The following ADGRG2 variants were observed in gnomAD, a reference collection of about 807,000 sequenced individuals.
ADGRG2 encodes G protein-coupled receptor 64.
A neutral mutation model predicts 74.1 loss-of-function variants in ADGRG2; 26 were observed. That is an observed-to-expected ratio of 0.35 (90% CI 0.26 to 0.49). The LOEUF is 0.49. Ranked by LOEUF, ADGRG2 falls within the 20% of genes least tolerant of loss-of-function variation. ADGRG2 has a pLI of 0.99. For missense variants in ADGRG2, 619 were observed against 763.1 expected (o/e 0.81, Z 2.22); for synonymous variants, 296 against 295.2 (o/e 1.00, Z -0.03).
chrX:19,085,390 T>C (rs1185217320), intron 1 of ADGRG2, among the ~76,000 whole-genome samples: 1 of 111,441 alleles, frequency 9.0e-6, no homozygotes, highest in Non-Finnish European at 1.9e-5. Flanking sequence ...GTGCAGTGGC[T>C]CGATCACAGC....
chrX:18,995,774 A>G (rs1314135464), intron 27 of ADGRG2, among the ~76,000 whole-genome samples: 1 of 112,556 alleles, frequency 8.9e-6, no homozygotes, highest in Non-Finnish European at 1.9e-5. Context: ...CATAATCTCA[A>G]TAGAAAATCA....
At chrX:19,049,796 C>T (rs2061281970) in intron 3 of ADGRG2, among the ~76,000 whole-genome samples, 1 of 111,162 alleles carries the variant, frequency 9.0e-6, no homozygotes, top group Non-Finnish European at 1.9e-5. Context: ...AAAGAACCCT[C>T]TCCTCCCCAA....
intron 24 of ADGRG2, among the ~76,000 whole-genome samples, chrX:19,001,183 G>A: frequency 9.0e-6 from 1 of 111,565 alleles, no homozygotes; most frequent in East Asian, 2.8e-4. Flanking sequence ...GATCCAGGGG[G>A]TGGTGACTGC....
At chrX:19,009,435 C>A (rs1419228489) in intron 18 of ADGRG2, among the ~76,000 whole-genome samples, 191 bp downstream of exon 18, 1 of 111,461 alleles carries the variant, frequency 9.0e-6, no homozygotes, top group Non-Finnish European at 1.9e-5. Context: ...GCCTTGGCCT[C>A]CCAAAGTGCT....
chrX:19,091,964 G>A (rs1419413102), intron 1 of ADGRG2, among the ~76,000 whole-genome samples: 1 of 112,505 alleles, frequency 8.9e-6, no homozygotes, highest in East Asian at 2.8e-4. Flanking sequence ...ACGCGACTTG[G>A]GTCTGGGTTG....
At chrX:19,084,668 C>T (rs1380874964) in intron 1 of ADGRG2, among the ~76,000 whole-genome samples, 3 of 111,972 alleles carry the variant, frequency 2.7e-5, no homozygotes, top group Non-Finnish European at 5.6e-5. Flanking sequence ...TGAGAATTTT[C>T]CACATAGGGA....
rs528454817 is a variant in ADGRG2 at position 19,021,318 on chromosome X, T to C, written c.549-120A>G. On this transcript the variant is annotated intron_variant, in intron 13 of 28. Transcript: ENST00000379869. ...GGACACTGATACTGTTAACTTGTGA[T>C]GTCACCCCAATAAGCTTGTAAATAC... is the stretch of plus-strand genomic sequence containing the variant. 86 of 517,646 alleles carry C rather than the reference T, an allele frequency of 1.7e-4. No individual in the cohort carries two copies. The South Asian group carries it at 2.0e-3, about 12-fold the overall frequency. The allele number at this position is 517,646 out of a possible 1,213,427, so 42.7% of individuals were successfully genotyped here. A position where few individuals can be genotyped will look rare whatever the true frequency, so the allele number is the denominator to read the frequency against.
intron 1 of ADGRG2, among the ~76,000 whole-genome samples, chrX:19,114,169 T>C (rs747141913): frequency 9.2e-6 from 1 of 108,301 alleles, no homozygotes; most frequent in South Asian, 4.1e-4. Context: ...TTTTGATCCA[T>C]TAGGGGCATT....
At chrX:19,106,036 T>C (rs999590691) in intron 1 of ADGRG2, among the ~76,000 whole-genome samples, 1 of 108,367 alleles carries the variant, frequency 9.2e-6, no homozygotes, top group Admixed American at 9.9e-5. Flanking sequence ...ACAGATAGAA[T>C]GGACACGTGA....
intron 1 of ADGRG2, among the ~76,000 whole-genome samples, chrX:19,083,204 G>A (rs1311597873): frequency 1.1e-5 from 1 of 93,287 alleles, no homozygotes; most frequent in African/African-American, 4.1e-5. Flanking sequence ...ATTTTCAGTA[G>A]AGACAGGGTT....
intron 9 of ADGRG2, among the ~76,000 whole-genome samples, chrX:19,029,113 T>C (rs2060770980): frequency 9.0e-6 from 1 of 111,692 alleles, no homozygotes; most frequent in Admixed American, 9.6e-5. Context: ...CAACAACTTA[T>C]TCCTGCTTAA....
Position 19,009,650 on chromosome X carries a change from C to T in ADGRG2, c.1398G>A (p.Val466=). The part of the protein sequence containing the change: ...NASSFNTTTF[V]AQDPANLQVS... ...CCTGAAGATTTGCAGGGTCTTGGGC[C>T]ACAAAGGTAGTTGTGTTGAAACTAC... The change falls in exon 18 of 29, where the codon GTG becomes GTA. Residue 466 remains valine, a synonymous_variant. Transcript: ENST00000379869. 3.3e-6 allele frequency: 4 copies of T among 1,209,180 alleles called. No individual in the cohort carries two copies. Among genetic ancestry groups the T allele is most frequent in the Non-Finnish European group, 4.5e-6 (4 of 893,305 alleles).
chrX:19,080,159 C>CT (rs1290353214), intron 2 of ADGRG2, among the ~76,000 whole-genome samples: 5 of 109,992 alleles, frequency 4.5e-5, no homozygotes, highest in Non-Finnish European at 7.6e-5. Flanking sequence ...ACCCACCCGC[C>CT]TCGGCCTCCC....
intron 15 of ADGRG2, among the ~76,000 whole-genome samples, chrX:19,019,130 C>T (rs2060533575): frequency 8.9e-6 from 1 of 112,423 alleles, no homozygotes. Context: ...CAGGCGTAAG[C>T]CACCGTGCCC....
At chrX:19,006,931 AT>A (rs1340638069) in intron 20 of ADGRG2, among the ~76,000 whole-genome samples, 1 of 108,482 alleles carries the variant, frequency 9.2e-6, no homozygotes, top group Non-Finnish European at 1.9e-5. Flanking sequence ...TAATTTTTGT[AT>A]CTTTTGCAAA....
chrX:19,030,938 A>G (rs776756689), intron 9 of ADGRG2, 46 bp downstream of exon 9: 3 of 871,565 alleles, frequency 3.4e-6, no homozygotes, highest in African/African-American at 3.9e-5. Context: ...ATTTATCTCT[A>G]TGGAGGAAAT....
At chrX:19,047,654 T>C (rs1471157020) in intron 3 of ADGRG2, among the ~76,000 whole-genome samples, 2 of 111,711 alleles carry the variant, frequency 1.8e-5, no homozygotes, top group Non-Finnish European at 3.8e-5. Context: ...GTGGCAGTCC[T>C]CCTCTGGATT....
Position 19,004,748 on chromosome X carries a change from G to A in ADGRG2, c.1961+10C>T. The A allele has an allele frequency of 1.7e-6, 2 of 1,204,842 alleles. No homozygotes were observed. Among genetic ancestry groups the A allele is most frequent in the Non-Finnish European group, 2.2e-6 (2 of 891,784 alleles). On this transcript the variant is annotated intron_variant, in intron 23 of 28. Coordinates refer to ENST00000379869, the MANE Select transcript of ADGRG2 (RefSeq NM_001079858.3). The stretch of plus-strand genomic sequence containing the variant: ...GTCCTAAATCCAAATTTCCGGTTGT[G>A]GATACTCACTCAAAAGCTATGTAGG...
chrX:19,012,630 C>CAA (rs71924946), intron 16 of ADGRG2, among the ~76,000 whole-genome samples: 13 of 33,069 alleles, frequency 3.9e-4, no homozygotes, highest in African/African-American at 9.7e-4. Context: ...CCAAAGCTAC[C>CAA]AAAAAAAAAA....
Sources: gnomAD v4.1 joint callset for allele counts (sites outside exome capture counted in the v4.1 genomes callset) on GRCh38, gnomAD v4.1.1 for gene constraint, MANE v1.5 for transcripts, NCBI Gene and HGNC (gene_info 2026-07-23, HGNC 2026-07-21) for gene names.